C18orf63: variants seen among roughly 807,000 people sequenced by gnomAD.
The protein encoded by C18orf63 is uncharacterized protein C18orf63.
In C18orf63, 50 loss-of-function variants were observed where a neutral mutation model predicts 75.3. The ratio of observed to expected loss-of-function variants is 0.66; its 90% CI spans 0.53 to 0.84. The LOEUF is 0.84. C18orf63 is among the 40% of genes least tolerant of loss of function. C18orf63 has a pLI of 0.00. For missense variants in C18orf63, 732 were observed against 800.2 expected (o/e 0.91, Z 1.03); for synonymous variants, 232 against 267.6 (o/e 0.87, Z 1.30).
At chr18:74,319,526 C>T (rs1196407514) in intron 2 of C18orf63, among the ~76,000 whole-genome samples, 1 of 152,106 alleles carries the variant, frequency 6.6e-6, no homozygotes, top group Non-Finnish European at 1.5e-5. Context: ...TTCCCTTGAA[C>T]CTTGAAATGA....
At position 74,353,711 on chromosome 18, in the gene C18orf63, A is replaced by G; in HGVS notation, c.1444A>G (p.Asn482Asp). ...KTSMIQHDKL[N>D]LGPAIKNRYS... ...TAGTATGATCCAGCATGACAAACTG[A>G]ATTTAGGTCCAGCTATAAAAAACCG... Residue 482 changes from asparagine to aspartate, a missense_variant, in exon 12 of 14, where the codon AAT becomes GAT. By Grantham distance (23) the Asn-to-Asp change is conservative (BLOSUM62 1). Around this residue, in one of 3 missense-constraint regions of C18orf63, gnomAD observed 495 missense variants for 508.7 expected, o/e 0.97. Coordinates refer to ENST00000579455, the MANE Select transcript of C18orf63 (RefSeq NM_001174123.2). The G allele has an allele frequency of 6.5e-7, 1 of 1,536,072 alleles. No homozygotes were observed. The highest frequency in any genetic ancestry group is 1.2e-5 in the South Asian group (1 of 84,064).
chr18:74,350,659 T>C (rs1286608821), intron 11 of C18orf63, among the ~76,000 whole-genome samples: 1 of 152,188 alleles, frequency 6.6e-6, no homozygotes, highest in Non-Finnish European at 1.5e-5. Context: ...AAACCCCTTC[T>C]TGATGCATGC....
intron 2 of C18orf63, 69 bp from the exon 3 acceptor site, chr18:74,320,444 A>G (rs1984101209): frequency 9.5e-7 from 1 of 1,053,538 alleles, no homozygotes; most frequent in South Asian, 1.5e-5. Flanking sequence ...ATAATTCAAC[A>G]TGAGATTTGG....
rs1270806356 is a variant in C18orf63, at chr18:74,329,097, C to A, written c.424+61C>A. ...TATAATTCATAGTTGCTAAAGAAAA[C>A]AGTATCATATGCTGGGCACAGTGGC... On this transcript the variant is annotated intron_variant, in intron 6 of 13. Coordinates refer to ENST00000579455, the MANE Select transcript of C18orf63 (RefSeq NM_001174123.2). The A allele has an allele frequency of 1.6e-5, 18 of 1,093,680 alleles. No homozygotes were observed. The Admixed American group carries it at 3.6e-4, about 22-fold the overall frequency. 67.7% of individuals were successfully genotyped at this position (1,093,680 alleles called of 1,614,324 possible).
Position 74,343,676 on chromosome 18 carries a change from C to G in C18orf63, c.952C>G (p.Gln318Glu), listed in dbSNP as rs1229687541. 1 of 1,528,838 alleles carries G rather than the reference C, an allele frequency of 6.5e-7. No individual in the cohort carries two copies. The highest frequency in any genetic ancestry group is 8.7e-7 in the Non-Finnish European group (1 of 1,143,072). 94.7% of individuals were successfully genotyped at this position (1,528,838 alleles called of 1,614,324 possible). A position where few individuals can be genotyped will look rare whatever the true frequency, so the allele number is the denominator to read the frequency against. Residue 318 changes from glutamine (Q) to glutamate (E), a missense_variant, in exon 11 of 14, where the codon CAA (glutamine) becomes GAA (glutamate). By Grantham distance (29) the Gln-to-Glu change is conservative. Coordinates refer to ENST00000579455, the MANE Select transcript of C18orf63 (RefSeq NM_001174123.2). ...GACAAGTAAACCATGCTACTACACA[C>G]AAGAACTAACTAAACCTAATATACA... ...KMTSKPCYYT[Q>E]ELTKPNIQEH...
chr18:74,338,349 C>T (rs72965867), intron 7 of C18orf63, among the ~76,000 whole-genome samples: 2 of 151,974 alleles, frequency 1.3e-5, no homozygotes, highest in East Asian at 1.9e-4. Flanking sequence ...TTTAAAAAAA[C>T]AATTGAGGTT....
At chr18:74,346,692 C>G (rs1984581040) in intron 11 of C18orf63, among the ~76,000 whole-genome samples, 1 of 152,130 alleles carries the variant, frequency 6.6e-6, no homozygotes, top group Non-Finnish European at 1.5e-5. Context: ...CAGCCCATGT[C>G]TGTTTTAAAA....
rs1984060146 is a variant in C18orf63 at position 74,318,235 on chromosome 18, A to G, written c.134+236A>G. Reference sequence around the variant, plus strand: ...TGAGTTTTTATATCTGTGACCTCTTATGTGCTTTTTAAAAGTTTAAAATCT... The same window carrying G: ...TGAGTTTTTATATCTGTGACCTCTTGTGTGCTTTTTAAAAGTTTAAAATCT... On this transcript the variant is annotated intron_variant, in intron 2 of 13. Transcript: ENST00000579455. Among the ~76,000 whole-genome samples, 3 of 152,288 alleles carry G rather than the reference A, an allele frequency of 2.0e-5. No homozygotes were observed. The South Asian group carries it at 6.2e-4, about 32-fold the overall frequency.
At position 74,353,986 on chromosome 18, in the gene C18orf63, A is replaced by G. The variant is rs1458310809; in HGVS notation, c.1719A>G (p.Thr573=). 3 of 1,536,412 alleles carry G rather than the reference A, an allele frequency of 2.0e-6. No individual in the cohort carries two copies. The highest frequency in any genetic ancestry group is 2.6e-6 in the Non-Finnish European group (3 of 1,146,956). Residue 573 remains threonine (T), a synonymous_variant, in exon 12 of 14, where the codon ACA becomes ACG. Transcript: ENST00000579455. The part of the protein sequence containing the change: ...DFQMKGKENL[T]GKGITQILGK... ...AAATGAAAGGAAAAGAAAATTTAAC[A>G]GGCAAAGGTATAACACAAATTTTAG...
At position 74,338,807 on chromosome 18, in the gene C18orf63, G is replaced by A. The variant is rs773379639; in HGVS notation, c.594G>A (p.Trp198Ter). The A allele has an allele frequency of 5.0e-6, 7 of 1,397,862 alleles. No individual in the cohort carries two copies. The highest frequency in any genetic ancestry group is 1.6e-5 in the South Asian group (1 of 61,070). The allele number at this position is 1,397,862 out of a possible 1,614,324, so 86.6% of individuals were successfully genotyped here. A position where few individuals can be genotyped will look rare whatever the true frequency, so the allele number is the denominator to read the frequency against. ...VIERHSILSN[W>*]CYVLPSMKMG... ...AGAGACATTCCATTTTAAGCAACTG[G>A]TGCTACGTTTTGCCAAGGTGAGATT... The change falls in exon 8 of 14, where the codon TGG becomes TGA. Residue 198 changes from tryptophan to a stop codon, truncating the protein, a stop_gained. Transcript: ENST00000579455. LOFTEE classifies it high-confidence loss of function.
intron 6 of C18orf63, among the ~76,000 whole-genome samples, chr18:74,329,676 G>A (rs1244974036): frequency 6.6e-6 from 1 of 152,112 alleles, no homozygotes; most frequent in Non-Finnish European, 1.5e-5. Flanking sequence ...TAGTACTGAT[G>A]TAAGTCAAAA....
chr18:74,342,260 G>T lies in C18orf63; in HGVS notation c.728G>T (p.Gly243Val). 1 of 1,531,412 alleles carries T rather than the reference G, an allele frequency of 6.5e-7. No individual in the cohort carries two copies. The highest frequency in any genetic ancestry group is 8.7e-7 in the Non-Finnish European group (1 of 1,142,918). The allele number at this position is 1,531,412 out of a possible 1,614,324, so 94.9% of individuals were successfully genotyped here. A position where few individuals can be genotyped will look rare whatever the true frequency, so the allele number is the denominator to read the frequency against. The change falls in exon 10 of 14, where the codon GGT becomes GTT. Residue 243 changes from glycine (G) to valine (V), a missense_variant. Gly to Val is a moderately radical substitution (Grantham distance 109). This residue lies in a region of C18orf63 where 495 missense variants were observed against 508.7 expected (regional missense o/e 0.97). Coordinates refer to ENST00000579455, the MANE Select transcript of C18orf63 (RefSeq NM_001174123.2). ...TTTTAGTATGGCTATAAACTTCCAG[G>T]TGATTGTGGAAAAATTAAAATATAC... The part of the protein sequence containing the change: ...WDALYGYKLP[G>V]DCGKIKIYCN...
At position 74,328,135 on chromosome 18, in the gene C18orf63, G is replaced by T. The variant is rs550514445; in HGVS notation, c.382+77G>T. On this transcript the variant is annotated intron_variant, in intron 5 of 13. Transcript: ENST00000579455. ...TATGTGTGTATTAGTCTATTCTCAT[G>T]CTGCTAATAAAGACATACTGGAGAC... is the stretch of plus-strand genomic sequence containing the variant. 3.3e-5 allele frequency: 28 copies of T among 852,234 alleles called. No individual in the cohort carries two copies. In the African/African-American group the frequency reaches 4.2e-4, roughly 13 times the overall value. The allele number at this position is 852,234 out of a possible 1,614,324, so 52.8% of individuals were successfully genotyped here.
At chr18:74,329,828 T>C (rs1599002992) in intron 6 of C18orf63, among the ~76,000 whole-genome samples, 1 of 152,230 alleles carries the variant, frequency 6.6e-6, no homozygotes, top group African/African-American at 2.4e-5. Context: ...AGATAGACAC[T>C]TTCCTAAACA....
chr18:74,318,493 A>C (rs139528885), intron 2 of C18orf63, among the ~76,000 whole-genome samples: 1 of 152,250 alleles, frequency 6.6e-6, no homozygotes, highest in East Asian at 1.9e-4. Context: ...ATAGTCGTTG[A>C]AAAACAGCTT....
chr18:74,316,768 A>G (rs1984033739), intron 1 of C18orf63, among the ~76,000 whole-genome samples: 1 of 152,254 alleles, frequency 6.6e-6, no homozygotes, highest in Non-Finnish European at 1.5e-5. Flanking sequence ...ATAGTTCTAC[A>G]GCCTAGCCAA....
At chr18:74,318,396 A>G (rs573239734) in intron 2 of C18orf63, among the ~76,000 whole-genome samples, 1 of 152,308 alleles carries the variant, frequency 6.6e-6, no homozygotes, top group South Asian at 2.1e-4. Context: ...TAAACATCTT[A>G]GATTAGTATA....
At chr18:74,323,416 C>G (rs541987728) in intron 4 of C18orf63, among the ~76,000 whole-genome samples, 1 of 152,180 alleles carries the variant, frequency 6.6e-6, no homozygotes, top group Non-Finnish European at 1.5e-5. Context: ...TTCCAGTTCC[C>G]TGAGAAATCT....
At chr18:74,335,217 G>T (rs1043129675) in intron 7 of C18orf63, among the ~76,000 whole-genome samples, 1 of 152,122 alleles carries the variant, frequency 6.6e-6, no homozygotes, top group Non-Finnish European at 1.5e-5. Context: ...TGACTGGAGT[G>T]AAAGACTAAT....
Sources: allele counts gnomAD v4.1 joint callset (sites outside exome capture counted in the v4.1 genomes callset), GRCh38; gene constraint gnomAD v4.1.1; regional missense constraint gnomAD v4.1.1; transcripts MANE v1.5; gene names NCBI Gene and HGNC (gene_info 2026-07-23, HGNC 2026-07-21).